DMXL2: variants seen among roughly 807,000 people sequenced by gnomAD.
DMXL2 encodes the protein dmX-like protein 2.
DMXL2 carries 103 observed loss-of-function variants against 331.1 expected under a neutral mutation model. The observed-to-expected ratio is 0.31, with a 90% CI of 0.27 to 0.37. The LOEUF (loss-of-function observed/expected upper bound fraction) is 0.37. Ranked by LOEUF, DMXL2 falls within the 10% of genes least tolerant of loss-of-function variation. The pLI, the probability that DMXL2 is intolerant of heterozygous loss-of-function variation, is 1.00. For synonymous variants in DMXL2, 1,281 were observed against 1,252.1 expected, an observed-to-expected ratio of 1.02 and a Z score of -0.49; for missense variants, 3,171 against 3,642.9, an observed-to-expected ratio of 0.87 and a Z score of 3.33.
chr15:51,543,286 C>T (rs1798858760), intron 8 of DMXL2, among the ~76,000 whole-genome samples: 1 of 152,090 alleles, frequency 6.6e-6, no homozygotes. Context: ...TTATTACTTT[C>T]CTTTGTTCCC....
chr15:51,508,506 T>C (rs539609301), intron 15 of DMXL2, among the ~76,000 whole-genome samples: 2 of 152,298 alleles, frequency 1.3e-5, no homozygotes, highest in South Asian at 2.1e-4. Context: ...TATAGCACTA[T>C]GTAAGCATTT....
chr15:51,547,298 A>G lies in DMXL2; in HGVS notation c.678T>C (p.Phe226=), dbSNP rs2140942373. The change falls in exon 7 of 44, where the codon TTT becomes TTC. Residue 226 remains phenylalanine (F), a synonymous_variant. Transcript: ENST00000560891. ...KRRQSSTQFS[F]VYLAHPRAVT... ...CAGCTCGGGGATGTGCCAAGTAAAC[A>G]AAAGAAAATTGAGTAGAGGACTGTC... 6.2e-7 allele frequency: 1 copy of G among 1,613,230 alleles called. No homozygotes were observed. Among genetic ancestry groups the G allele is most frequent in the Non-Finnish European group, 8.5e-7 (1 of 1,179,434 alleles).
chr15:51,481,763 C>G lies in DMXL2; in HGVS notation c.5483-140G>C, dbSNP rs1013387418. On this transcript the variant is annotated intron_variant, in intron 23 of 43. Transcript: ENST00000560891. ...ACGATAGGTTACACTATGGCATATA[C>G]AATCATTACAACTGTACAGCTGAAA... The G allele has an allele frequency of 3.3e-5, 25 of 751,326 alleles. No individual in the cohort carries two copies. In the African/African-American group the frequency reaches 3.9e-4, roughly 12 times the overall value. 46.5% of individuals were successfully genotyped at this position (751,326 alleles called of 1,614,324 possible).
chr15:51,471,431 T>C, intron 28 of DMXL2, 30 bp from the exon 29 acceptor site: 1 of 1,546,828 alleles, frequency 6.5e-7, no homozygotes, highest in Non-Finnish European at 8.8e-7. Flanking sequence ...AAAAAAAATC[T>C]AGCATTCATT....
intron 1 of DMXL2, among the ~76,000 whole-genome samples, chr15:51,620,731 C>G (rs541209868): frequency 2.4e-4 from 37 of 152,100 alleles, no homozygotes; most frequent in Non-Finnish European, 4.9e-4. Flanking sequence ...ATCTGGTAGA[C>G]AGTGCAGAGT....
At chr15:51,479,913 T>C in intron 25 of DMXL2, 35 bp downstream of exon 25, 1 of 1,402,164 alleles carries the variant, frequency 7.1e-7, no homozygotes, top group Non-Finnish European at 9.5e-7. Context: ...CTTCTCAGGG[T>C]GTATAATATC....
rs369273208 is a variant in DMXL2 at position 51,464,920 on chromosome 15, C to G, written c.7607-44G>C. 56 of 1,449,804 alleles carry G rather than the reference C, an allele frequency of 3.9e-5. No homozygotes were observed. In the African/African-American group the frequency reaches 6.4e-4, roughly 17 times the overall value. The allele number at this position is 1,449,804 out of a possible 1,614,324, so 89.8% of individuals were successfully genotyped here. ...TGTTATTTATTTTAATAAAAAATAT[C>G]GATCATCACCCAAATATTTATAGAA... On this transcript the variant is annotated intron_variant, in intron 31 of 43. Transcript: ENST00000560891.
At chr15:51,539,709 T>C (rs143559402) in intron 9 of DMXL2, among the ~76,000 whole-genome samples, 7 of 152,172 alleles carry the variant, frequency 4.6e-5, no homozygotes, top group African/African-American at 1.4e-4. Context: ...CTCAGGAGGC[T>C]GAGGTGGTAG....
chr15:51,516,232 T>C (rs1253636441), intron 14 of DMXL2, among the ~76,000 whole-genome samples: 2 of 152,182 alleles, frequency 1.3e-5, no homozygotes, highest in African/African-American at 2.4e-5. Flanking sequence ...ACCATAAACA[T>C]AGTCCTAAAG....
At chr15:51,550,670 G>A (rs185364888) in intron 6 of DMXL2, among the ~76,000 whole-genome samples, 7 of 152,190 alleles carry the variant, frequency 4.6e-5, no homozygotes, top group Admixed American at 4.6e-4. Flanking sequence ...ATAACCAAGT[G>A]TTATTTTTTA....
Position 51,502,967 on chromosome 15 carries a change from G to T in DMXL2, c.2831C>A (p.Ser944Tyr). 1 of 1,614,016 alleles carries T rather than the reference G, an allele frequency of 6.2e-7. No homozygotes were observed. The highest frequency in any genetic ancestry group is 8.5e-7 in the Non-Finnish European group (1 of 1,179,908). Reference protein sequence around the residue: ...LSVPGQKNVDSSPETSPSVSP... With the variant: ...LSVPGQKNVDYSPETSPSVSP... ...CACACTAGGAGAGGTTTCTGGAGAA[G>T]AATCTACGTTCTTCTGTCCAGGGAC... The change falls in exon 17 of 44, where the codon TCT becomes TAT. Residue 944 changes from serine to tyrosine, a missense_variant. By Grantham distance (144) the Ser-to-Tyr change is moderately radical. Coordinates refer to ENST00000560891, the MANE Select transcript of DMXL2 (RefSeq NM_001378457.1).
chr15:51,609,294 A>C (rs1052727341), intron 1 of DMXL2, among the ~76,000 whole-genome samples: 7 of 152,260 alleles, frequency 4.6e-5, no homozygotes, highest in African/African-American at 1.7e-4. Flanking sequence ...CAAACATGCC[A>C]GTAATTACAT....
chr15:51,576,741 G>A (rs978778673), intron 1 of DMXL2, among the ~76,000 whole-genome samples: 1 of 152,088 alleles, frequency 6.6e-6, no homozygotes, highest in Admixed American at 6.6e-5. Context: ...AATCCACAAC[G>A]CAGCCTGCCT....
chr15:51,495,155 A>C, intron 18 of DMXL2, 21 bp from the exon 19 acceptor site: 2 of 1,517,392 alleles, frequency 1.3e-6, no homozygotes, highest in Non-Finnish European at 1.8e-6. Flanking sequence ...AACAGGAAAT[A>C]TGTTTAAGGA....
chr15:51,449,632 C>T (rs965836919), intron 43 of DMXL2, among the ~76,000 whole-genome samples: 2 of 152,178 alleles, frequency 1.3e-5, no homozygotes, highest in African/African-American at 4.8e-5. Context: ...AGGTTAGTCT[C>T]AATAAACTCA....
At chr15:51,474,639 C>A (rs1410817956) in intron 27 of DMXL2, 47 bp from the exon 28 acceptor site, 1 of 1,509,982 alleles carries the variant, frequency 6.6e-7, no homozygotes, top group Admixed American at 2.3e-5. Flanking sequence ...GATGAAGCAC[C>A]AGAAGGAAAA....
chr15:51,458,437 T>A (rs1053834436), intron 36 of DMXL2, 69 bp downstream of exon 36: 2 of 1,511,652 alleles, frequency 1.3e-6, no homozygotes, highest in East Asian at 2.3e-5. Context: ...ATAATTCAAA[T>A]CATGTGCATA....
intron 20 of DMXL2, among the ~76,000 whole-genome samples, chr15:51,491,207 G>A (rs975061099): frequency 3.3e-5 from 5 of 152,170 alleles, no homozygotes; most frequent in African/African-American, 7.2e-5. Flanking sequence ...TTGGGAGGCC[G>A]AGGAGGGCAG....
At chr15:51,578,873 G>C (rs369500590) in intron 1 of DMXL2, among the ~76,000 whole-genome samples, 39 of 152,302 alleles carry the variant, frequency 2.6e-4, no homozygotes, top group African/African-American at 9.4e-4. Flanking sequence ...GGAAGGCCAA[G>C]GCAGGAAGAT....
Sources: gnomAD v4.1 joint callset for allele counts (sites outside exome capture counted in the v4.1 genomes callset) on GRCh38, gnomAD v4.1.1 for gene constraint, MANE v1.5 for transcripts, NCBI Gene and HGNC (gene_info 2026-07-23, HGNC 2026-07-21) for gene names.